The following NINL variants were observed in gnomAD, a reference collection of about 807,000 sequenced individuals.
The protein encoded by NINL is ninein-like protein.
A neutral mutation model predicts 160.3 loss-of-function variants in NINL; 153 were observed. That is an observed-to-expected ratio of 0.95 (90% CI 0.84 to 1.09). The LOEUF (loss-of-function observed/expected upper bound fraction) is 1.09. Among genes scored for constraint, NINL ranks in the 50% least tolerant of loss-of-function variants. The probability of loss-of-function intolerance (pLI) is 0.00; values close to 1 mark genes in which losing one functional copy is unlikely to be tolerated. For synonymous variants in NINL, 800 were observed against 734.8 expected, an observed-to-expected ratio of 1.09 and a Z score of -1.43; for missense variants, 1,829 against 1,764.0, an observed-to-expected ratio of 1.04 and a Z score of -0.66.
intron 13 of NINL, among the ~76,000 whole-genome samples, chr20:25,488,237 T>C (rs907266139): frequency 6.6e-6 from 1 of 152,104 alleles, no homozygotes; most frequent in Admixed American, 6.5e-5. Context: ...TTCTCTTTTT[T>C]TGGGGAGGGA....
chr20:25,559,980 T>A (rs1234280133), intron 1 of NINL, among the ~76,000 whole-genome samples: 1 of 152,228 alleles, frequency 6.6e-6, no homozygotes, highest in Non-Finnish European at 1.5e-5. Context: ...TCAGCCAGGC[T>A]GGAGTGTAGT....
chr20:25,515,977 A>G (rs962651623), intron 3 of NINL, among the ~76,000 whole-genome samples: 3 of 151,932 alleles, frequency 2.0e-5, no homozygotes, highest in African/African-American at 7.3e-5. Flanking sequence ...GGGTTTCACC[A>G]TGTTACCAGG....
At chr20:25,559,087 C>CTAAG (rs553229957) in intron 1 of NINL, among the ~76,000 whole-genome samples, 162 of 152,328 alleles carry the variant, frequency 1.1e-3, no homozygotes, top group African/African-American at 3.8e-3. Flanking sequence ...TTTGCTCAAC[C>CTAAG]TAAGTGATTA....
intron 3 of NINL, among the ~76,000 whole-genome samples, chr20:25,514,473 A>G (rs1385928562): frequency 6.6e-6 from 1 of 152,270 alleles, no homozygotes; most frequent in Non-Finnish European, 1.5e-5. Flanking sequence ...GAAAGTTTGG[A>G]AAATTTGCAG....
At chr20:25,557,866 C>T (rs1475019858) in intron 1 of NINL, among the ~76,000 whole-genome samples, 2 of 151,866 alleles carry the variant, frequency 1.3e-5, no homozygotes, top group South Asian at 4.2e-4. Flanking sequence ...CAGTGGCTCA[C>T]GCTTGTAATC....
At chr20:25,475,983 G>A in intron 17 of NINL, 60 bp downstream of exon 17, 2 of 1,529,796 alleles carry the variant, frequency 1.3e-6, no homozygotes, top group Non-Finnish European at 1.8e-6. Context: ...AGGGGTCAGT[G>A]GGTTAGTTCT....
At position 25,476,362 on chromosome 20, in the gene NINL, C is replaced by A. The variant is rs1417644957; in HGVS notation, c.2929G>T (p.Ala977Ser). Residue 977 changes from alanine (A) to serine (S), a missense_variant, in exon 17 of 24, where the codon GCC becomes TCC. Transcript: ENST00000278886. Reference sequence around the variant, plus strand: ...CTTCGTGCTCGCTCTTCCTGAATGGCCTGTAGCCTCTCAGCCTGTCCCCTG... The same window carrying A: ...CTTCGTGCTCGCTCTTCCTGAATGGACTGTAGCCTCTCAGCCTGTCCCCTG... ...SCRGQAERLQ[A>S]IQEERARSWS... 1.2e-6 allele frequency: 2 copies of A among 1,611,826 alleles called. No homozygotes were observed. The highest frequency in any genetic ancestry group is 8.5e-7 in the Non-Finnish European group (1 of 1,179,716).
intron 14 of NINL, among the ~76,000 whole-genome samples, chr20:25,480,576 C>T (rs111596069): frequency 8.5e-5 from 13 of 152,242 alleles, no homozygotes; most frequent in East Asian, 5.8e-4. Context: ...GCCAGGGTCA[C>T]GGAGGAAATG....
At chr20:25,494,400 C>T (rs916659827) in intron 10 of NINL, among the ~76,000 whole-genome samples, 5 of 151,904 alleles carry the variant, frequency 3.3e-5, no homozygotes, top group African/African-American at 7.3e-5. Context: ...CCCATGTACA[C>T]GTACTGCACC....
chr20:25,578,530 A>G (rs372237594), intron 1 of NINL, among the ~76,000 whole-genome samples: 3 of 152,264 alleles, frequency 2.0e-5, no homozygotes, highest in African/African-American at 7.2e-5. Flanking sequence ...GCAGTGGTTC[A>G]TACCTGTAAT....
chr20:25,458,866 C>T, intron 21 of NINL: 1 of 280,608 alleles, frequency 3.6e-6, no homozygotes. Context: ...CAAACAACGA[C>T]CACGCCAGTT....
chr20:25,554,610 AC>A (rs1433415921), intron 1 of NINL, among the ~76,000 whole-genome samples: 3 of 137,632 alleles, frequency 2.2e-5, no homozygotes, highest in Non-Finnish European at 4.6e-5. Flanking sequence ...CATAGTAAGA[AC>A]CCTGTTCTTT....
chr20:25,497,671 C>T (rs908253712), intron 9 of NINL, among the ~76,000 whole-genome samples: 25 of 152,346 alleles, frequency 1.6e-4, no homozygotes, highest in African/African-American at 6.0e-4. Context: ...CCCAACGTCA[C>T]GGGGCATTTT....
intron 2 of NINL, among the ~76,000 whole-genome samples, chr20:25,524,197 A>G (rs1485209734): frequency 6.6e-6 from 1 of 152,240 alleles, no homozygotes; most frequent in Non-Finnish European, 1.5e-5. Flanking sequence ...ATGGTCCACC[A>G]TGACCAACCA....
Position 25,478,981 on chromosome 20 carries a change from A to G in NINL, c.2143T>C (p.Cys715Arg), listed in dbSNP as rs2063326980. ...EPEQMGLAPC[C>R]TQALCGLALR... ...GCCAGGCCACACAGTGCCTGGGTGC[A>G]GCAGGGTGCCAGGCCCATCTGCTCA... Residue 715 changes from cysteine (C) to arginine (R), a missense_variant, in exon 16 of 24, where the codon TGC becomes CGC. Cys to Arg is a radical substitution (Grantham distance 180). Transcript: ENST00000278886. 2 of 1,602,112 alleles carry G rather than the reference A, an allele frequency of 1.2e-6. No homozygotes were observed. The highest frequency in any genetic ancestry group is 1.7e-6 in the Non-Finnish European group (2 of 1,176,716).
intron 21 of NINL, among the ~76,000 whole-genome samples, 197 bp downstream of exon 21, chr20:25,461,325 C>T (rs992394227): frequency 9.9e-5 from 15 of 152,230 alleles, no homozygotes; most frequent in African/African-American, 2.7e-4. Context: ...CTACTCTTCA[C>T]GGGGCTTGCT....
intron 10 of NINL, among the ~76,000 whole-genome samples, chr20:25,492,981 T>C (rs971942259): frequency 2.6e-5 from 4 of 152,206 alleles, no homozygotes; most frequent in African/African-American, 9.6e-5. Flanking sequence ...CCATTGCTCA[T>C]GGGACAAAAC....
intron 1 of NINL, among the ~76,000 whole-genome samples, chr20:25,535,269 G>C (rs539757488): frequency 4.3e-4 from 66 of 152,296 alleles, no homozygotes; most frequent in African/African-American, 1.5e-3. Flanking sequence ...GGTGTCGGGG[G>C]TTGTGGAGTT....
Position 25,476,650 on chromosome 20 carries a change from G to T in NINL, c.2641C>A (p.Gln881Lys). ...TGCGTAGCTTCTGTGTCCTGGGCTT[G>T]CCTGCGGCGAGGCCCGGCTCCTGCC... ...EAAGAGPRRRQAQDTEATQSP... is the reference protein window; with the variant it reads ...EAAGAGPRRRKAQDTEATQSP... Residue 881 changes from glutamine (Q) to lysine (K), a missense_variant, in exon 17 of 24, where the codon CAA (glutamine) becomes AAA (lysine). Coordinates refer to ENST00000278886, the MANE Select transcript of NINL (RefSeq NM_025176.6). 6.3e-7 allele frequency: 1 copy of T among 1,588,206 alleles called. No individual in the cohort carries two copies. The highest frequency in any genetic ancestry group is 1.1e-5 in the South Asian group (1 of 89,354).
Sources: allele counts gnomAD v4.1 joint callset (sites outside exome capture counted in the v4.1 genomes callset), GRCh38; gene constraint gnomAD v4.1.1; transcripts MANE v1.5; gene names NCBI Gene and HGNC (gene_info 2026-07-23, HGNC 2026-07-21).